PCDHGB1: variants seen among roughly 807,000 people sequenced by gnomAD.
The protein encoded by PCDHGB1 is protocadherin gamma-B1.
A neutral mutation model predicts 56.6 loss-of-function variants in PCDHGB1; 34 were observed. That is an observed-to-expected ratio of 0.60 (90% confidence interval 0.46 to 0.80). The LOEUF is 0.80. Among genes scored for constraint, PCDHGB1 ranks in the 30% least tolerant of loss-of-function variants. PCDHGB1 has a pLI of 0.00. For synonymous variants in PCDHGB1, 561 were observed against 505.9 expected, an observed-to-expected ratio of 1.11 and a Z score of -1.46; for missense variants, 1,278 against 1,204.6, an observed-to-expected ratio of 1.06 and a Z score of -0.90.
intron 1 of PCDHGB1, chr5:141,388,282 T>A: frequency 6.2e-7 from 1 of 1,613,222 alleles, no homozygotes; most frequent in South Asian, 1.1e-5. Context: ...ACGCCAAAAT[T>A]CACGCAAAAT....
chr5:141,365,104 C>A (rs775966290), intron 1 of PCDHGB1: 1 of 1,613,874 alleles, frequency 6.2e-7, no homozygotes, highest in Non-Finnish European at 8.5e-7. Flanking sequence ...TACCTGTGGG[C>A]ACTCGGCTGC....
chr5:141,408,079 A>C (rs1176059527), intron 1 of PCDHGB1: 13 of 1,407,872 alleles, frequency 9.2e-6, no homozygotes, highest in Non-Finnish European at 1.1e-5. Context: ...CTTTCCCAGC[A>C]CAGCGGATTG....
At chr5:141,422,420 C>A in intron 1 of PCDHGB1, 2 of 1,607,576 alleles carry the variant, frequency 1.2e-6, no homozygotes, top group Non-Finnish European at 1.7e-6. Context: ...TTAGAAAAGA[C>A]TTATGGAAAT....
At chr5:141,395,727 T>G (rs895493332) in intron 1 of PCDHGB1, 1 of 153,998 alleles carries the variant, frequency 6.5e-6, no homozygotes, top group Non-Finnish European at 1.4e-5. Flanking sequence ...TGTAGATTTC[T>G]TCACTTTAAA....
intron 1 of PCDHGB1, among the ~76,000 whole-genome samples, chr5:141,458,526 A>T (rs921943954): frequency 1.7e-4 from 26 of 151,492 alleles, no homozygotes; most frequent in African/African-American, 5.6e-4. Flanking sequence ...TTTTTTTTTA[A>T]CTTATCAACT....
At position 141,395,074 on chromosome 5, in the gene PCDHGB1, C is replaced by T. The variant is rs368699767; in HGVS notation, c.2409+42405C>T. The T allele has an allele frequency of 3.9e-5, 63 of 1,614,048 alleles. No homozygotes were observed. The African/African-American group carries it at 6.0e-4, about 15-fold the overall frequency. Reference sequence around the variant, plus strand: ...GTACAGGCTTTCCTGCAGACCTATTCCCAGGAAGTCTCCCTCACCGCCGAC... The same window carrying T: ...GTACAGGCTTTCCTGCAGACCTATTTCCAGGAAGTCTCCCTCACCGCCGAC... On this transcript the variant is annotated intron_variant, in intron 1 of 3. Transcript: ENST00000523390.
At chr5:141,384,790 G>T (rs999175494) in intron 1 of PCDHGB1, 2 of 1,613,416 alleles carry the variant, frequency 1.2e-6, no homozygotes, top group African/African-American at 2.7e-5. Flanking sequence ...CACGGCTCGG[G>T]CCCTGCTGGA....
At chr5:141,361,019 A>G (rs753179923) in intron 1 of PCDHGB1, 1 of 1,613,326 alleles carries the variant, frequency 6.2e-7, no homozygotes, top group East Asian at 2.2e-5. Flanking sequence ...TTCAACTTAA[A>G]TGAAAAAACA....
rs374140638 is a variant in PCDHGB1 at position 141,487,759 on chromosome 5, C to T, written c.2410-7048C>T. ...TTGTAAGAGGTAACTATGTGGTAGA[C>T]GCTGTGCTTTGTAACTGTTTCGTGA... On this transcript the variant is annotated intron_variant, in intron 1 of 3. Transcript: ENST00000523390. The surrounding 1 kb of genome is among the most constrained non-coding windows in gnomAD (Gnocchi z 5.0). 45 of 1,546,278 alleles carry T rather than the reference C, an allele frequency of 2.9e-5. No individual in the cohort carries two copies. The highest frequency in any genetic ancestry group is 1.1e-4 in the African/African-American group (8 of 73,160).
chr5:141,356,223 T>C, intron 1 of PCDHGB1: 1 of 1,598,278 alleles, frequency 6.3e-7, no homozygotes, highest in Non-Finnish European at 8.5e-7. Flanking sequence ...TGGATGAAAA[T>C]GACAACGCAC....
intron 1 of PCDHGB1, chr5:141,361,024 A>G: frequency 6.2e-7 from 1 of 1,613,350 alleles, no homozygotes; most frequent in Non-Finnish European, 8.5e-7. Context: ...CTTAAATGAA[A>G]AAACAGGAGA....
intron 1 of PCDHGB1, among the ~76,000 whole-genome samples, chr5:141,380,845 A>G (rs1215311097): frequency 6.6e-6 from 1 of 152,272 alleles, no homozygotes; most frequent in Admixed American, 6.5e-5. Context: ...GTAAAAATGG[A>G]TCAAGACATT....
At chr5:141,374,701 C>T (rs781441820) in intron 1 of PCDHGB1, 2 of 1,608,962 alleles carry the variant, frequency 1.2e-6, no homozygotes, top group East Asian at 2.2e-5. Context: ...AAGGAGAAGC[C>T]GTTTACCGCC....
rs370286425 is a variant in PCDHGB1, at chr5:141,431,234, G to A, written c.2410-63573G>A. On this transcript the variant is annotated intron_variant, in intron 1 of 3. Coordinates refer to ENST00000523390, the MANE Select transcript of PCDHGB1 (RefSeq NM_018922.3). This position sits in a 1 kb window ranked among gnomAD's most constrained non-coding sequence, Gnocchi z 4.8. ...GCGGTTCCCTCTACCCCACGCCTGGGATCCGGATATCGGGAAGAACTCTCT... is the reference window on the plus strand; with the variant it reads ...GCGGTTCCCTCTACCCCACGCCTGGAATCCGGATATCGGGAAGAACTCTCT... 13 of 1,614,052 alleles carry A rather than the reference G, an allele frequency of 8.1e-6. No individual in the cohort carries two copies. The highest frequency in any genetic ancestry group is 2.7e-5 in the African/African-American group (2 of 74,940).
chr5:141,417,771 C>G, intron 1 of PCDHGB1: 1 of 1,456,488 alleles, frequency 6.9e-7, no homozygotes, highest in Non-Finnish European at 9.1e-7. Flanking sequence ...CGGGACTCCT[C>G]CTGTCCTGGG....
chr5:141,403,384 A>C lies in PCDHGB1; in HGVS notation c.2409+50715A>C, dbSNP rs201959000. 4.4e-4 allele frequency: 703 copies of C among 1,614,030 alleles called. No homozygotes were observed. Among genetic ancestry groups the C allele is most frequent in the Non-Finnish European group, 5.5e-4 (652 of 1,179,890 alleles). ...AAAGTCTGGAAGTAAAAATTAACGA[A>C]ATCGCGGTTCCTGGAGCACGTTATC... On this transcript the variant is annotated intron_variant, in intron 1 of 3. Coordinates refer to ENST00000523390, the MANE Select transcript of PCDHGB1 (RefSeq NM_018922.3).
intron 1 of PCDHGB1, chr5:141,366,021 AC>A: frequency 6.2e-7 from 1 of 1,614,092 alleles, no homozygotes; most frequent in Non-Finnish European, 8.5e-7. Flanking sequence ...GAGATCCTGT[AC>A]CCCGCCCTCC....
At chr5:141,449,450 T>C (rs1269861041) in intron 1 of PCDHGB1, among the ~76,000 whole-genome samples, 2 of 151,216 alleles carry the variant, frequency 1.3e-5, no homozygotes, top group Non-Finnish European at 2.9e-5. Context: ...CTACTAAAAA[T>C]ACAAAAATTA....
chr5:141,395,181 T>C (rs758854683), intron 1 of PCDHGB1: 3 of 1,614,030 alleles, frequency 1.9e-6, no homozygotes, highest in Non-Finnish European at 2.5e-6. Context: ...GAAAAATGAT[T>C]CTTTGTTAAC....
Sources: allele counts gnomAD v4.1 joint callset (sites outside exome capture counted in the v4.1 genomes callset), GRCh38; gene constraint gnomAD v4.1.1; non-coding constraint Gnocchi (gnomAD v3.1); transcripts MANE v1.5; gene names NCBI Gene and HGNC (gene_info 2026-07-23, HGNC 2026-07-21).